Variants in N4BP2 observed in about 807,000 individuals in gnomAD.
The protein encoded by N4BP2 is NEDD4 binding protein 2.
A neutral mutation model predicts 152.8 loss-of-function variants in N4BP2; 91 were observed. The ratio of observed to expected loss-of-function variants is 0.60; its 90% CI spans 0.50 to 0.71. The LOEUF (loss-of-function observed/expected upper bound fraction) is 0.71, where lower values mean the gene tolerates loss of function less well. Among genes scored for constraint, N4BP2 ranks in the 30% least tolerant of loss-of-function variants. The pLI, the probability that N4BP2 is intolerant of heterozygous loss-of-function variation, is 0.00. For missense variants in N4BP2, 1,923 were observed against 2,059.1 expected, an observed-to-expected ratio of 0.93 and a Z score of 1.28; for synonymous variants, 646 against 705.3, an observed-to-expected ratio of 0.92 and a Z score of 1.33.
In N4BP2 at chr4:40,103,234, G is replaced by C; in HGVS notation, c.1373+16G>C. ...TTTTGGCAAGGTATGAGGTTTGATT[G>C]GGTTTTTAAAAAATAGTATAATGTC... On this transcript the variant is annotated intron_variant, in intron 4 of 17. Transcript: ENST00000261435. The C allele has an allele frequency of 6.4e-7, 1 of 1,569,108 alleles. No homozygotes were observed. Among genetic ancestry groups the C allele is most frequent in the Non-Finnish European group, 8.6e-7 (1 of 1,161,996 alleles).
At chr4:40,109,575 G>A (rs765712060) in intron 5 of N4BP2, among the ~76,000 whole-genome samples, 2 of 151,970 alleles carry the variant, frequency 1.3e-5, no homozygotes, top group Admixed American at 6.6e-5. Context: ...AAAATTAACC[G>A]GGCATGGTGG....
At chr4:40,086,233 G>A (rs1282462131) in intron 2 of N4BP2, among the ~76,000 whole-genome samples, 2 of 151,532 alleles carry the variant, frequency 1.3e-5, no homozygotes, top group Non-Finnish European at 2.9e-5. Context: ...TGGATTACAG[G>A]TGTGAACCAT....
At chr4:40,151,358 A>G (rs2109285504) in intron 16 of N4BP2, among the ~76,000 whole-genome samples, 1 of 151,844 alleles carries the variant, frequency 6.6e-6, no homozygotes, top group East Asian at 1.9e-4. Flanking sequence ...TGCACCCTCC[A>G]CCTCCCAGGT....
intron 4 of N4BP2, 61 bp downstream of exon 4, chr4:40,103,279 G>T: frequency 7.2e-7 from 1 of 1,389,528 alleles, no homozygotes; most frequent in Middle Eastern, 1.9e-4. Flanking sequence ...ACACAAGTAT[G>T]AATAAATAGG....
chr4:40,134,443 T>C (rs565902236), intron 13 of N4BP2, among the ~76,000 whole-genome samples: 1 of 152,272 alleles, frequency 6.6e-6, no homozygotes, highest in Non-Finnish European at 1.5e-5. Flanking sequence ...GTTAGGTGGC[T>C]GATTGCCTCC....
chr4:40,125,755 C>T (rs1410967050), intron 11 of N4BP2, among the ~76,000 whole-genome samples: 9 of 151,980 alleles, frequency 5.9e-5, no homozygotes, highest in East Asian at 1.9e-4. Context: ...GGCATGGTGG[C>T]GGGCGCCTGT....
chr4:40,122,375 G>GT, intron 9 of N4BP2, 66 bp downstream of exon 9: 1 of 1,113,716 alleles, frequency 9.0e-7, no homozygotes, highest in Non-Finnish European at 1.2e-6. Flanking sequence ...GTTCTATTTT[G>GT]TATTTTTTTT....
At chr4:40,058,003 T>C (rs780737754) in intron 1 of N4BP2, among the ~76,000 whole-genome samples, 8 of 152,184 alleles carry the variant, frequency 5.3e-5, no homozygotes, top group Non-Finnish European at 8.8e-5. Flanking sequence ...CTCGACATCT[T>C]TGAGCCAATC....
chr4:40,150,379 A>G (rs950621755), intron 16 of N4BP2, among the ~76,000 whole-genome samples: 1 of 152,206 alleles, frequency 6.6e-6, no homozygotes, highest in Non-Finnish European at 1.5e-5. Flanking sequence ...GTGAAAATCT[A>G]GGATAGGCTG....
In N4BP2 at chr4:40,112,125, G is replaced by C. The variant is rs1439533071; in HGVS notation, c.1540G>C (p.Asp514His). Reference sequence around the variant, plus strand: ...GAAGAAGATATCTCCTATAATTATAGATAATACAAACCTACAGGCATGGGA... The same window carrying C: ...GAAGAAGATATCTCCTATAATTATACATAATACAAACCTACAGGCATGGGA... The part of the protein sequence containing the change: ...FEKKISPIII[D>H]NTNLQAWEMK... The change falls in exon 6 of 18, where the codon GAT becomes CAT. Residue 514 changes from aspartate to histidine, a missense_variant. By Grantham distance (81) the Asp-to-His change is moderately conservative (BLOSUM62 -1). Coordinates refer to ENST00000261435, the MANE Select transcript of N4BP2 (RefSeq NM_018177.6). The C allele has an allele frequency of 6.4e-7, 1 of 1,573,694 alleles. No individual in the cohort carries two copies. Among genetic ancestry groups the C allele is most frequent in the South Asian group, 1.2e-5 (1 of 85,682 alleles).
chr4:40,178,192 A>G, the N4BP2 span, among the ~76,000 whole-genome samples: 1 of 152,126 alleles, frequency 6.6e-6, no homozygotes, highest in African/African-American at 2.4e-5. Context: ...CAACAAAACA[A>G]AACAAAACAG....
At chr4:40,106,417 A>G (rs998023239) in intron 4 of N4BP2, among the ~76,000 whole-genome samples, 3 of 152,134 alleles carry the variant, frequency 2.0e-5, no homozygotes, top group Non-Finnish European at 4.4e-5. Context: ...CCTGGGTTCA[A>G]GTGATCCTCT....
the N4BP2 span, among the ~76,000 whole-genome samples, chr4:40,175,221 G>C: frequency 6.6e-6 from 1 of 151,554 alleles, no homozygotes; most frequent in African/African-American, 2.4e-5. Context: ...CAGGGTCTCG[G>C]TGTGTTACCC....
chr4:40,100,609 C>T (rs773919322), intron 3 of N4BP2, among the ~76,000 whole-genome samples: 1 of 151,982 alleles, frequency 6.6e-6, no homozygotes, highest in Non-Finnish European at 1.5e-5. Flanking sequence ...TGGGCTCAAG[C>T]GATCTACCTG....
chr4:40,143,805 C>G (rs936081147), intron 15 of N4BP2, among the ~76,000 whole-genome samples: 2 of 151,982 alleles, frequency 1.3e-5, no homozygotes, highest in African/African-American at 4.8e-5. Flanking sequence ...AAATAATAAA[C>G]CAGTGATTCC....
intron 3 of N4BP2, among the ~76,000 whole-genome samples, chr4:40,101,194 TCAC>T (rs1245487343): frequency 2.6e-5 from 4 of 152,180 alleles, no homozygotes; most frequent in African/African-American, 9.6e-5. Flanking sequence ...TCTCGCTCTG[TCAC>T]CAAGGCTGGA....
intron 8 of N4BP2, among the ~76,000 whole-genome samples, chr4:40,118,944 TAG>T (rs1233329607): frequency 6.6e-6 from 1 of 152,176 alleles, no homozygotes; most frequent in Admixed American, 6.5e-5. Flanking sequence ...TGGTAAGGGA[TAG>T]AGAGCTTCTG....
rs1721596455 is a variant in N4BP2, at chr4:40,156,353, C to CTA, written c.*2120_*2121dup. 1.3e-5 allele frequency: 2 copies of CTA among 152,022 alleles called. No homozygotes were observed. The highest frequency in any genetic ancestry group is 4.2e-4 in the South Asian group (2 of 4,818). The allele number at this position is 152,022 out of a possible 1,614,324, so 9.4% of individuals were successfully genotyped here. On this transcript the variant is annotated 3_prime_UTR_variant, in exon 18 of 18. Coordinates refer to ENST00000261435, the MANE Select transcript of N4BP2 (RefSeq NM_018177.6). Reference sequence around the variant, plus strand: ...GTGGGCAGAAGTCAAATGAAAAAAGCTATATTGTTTACTTGTTTACTATAT... The same window carrying CTA: ...GTGGGCAGAAGTCAAATGAAAAAAGCTATATATTGTTTACTTGTTTACTATAT...
At chr4:40,177,251 C>A in the N4BP2 span, among the ~76,000 whole-genome samples, 5 of 152,084 alleles carry the variant, frequency 3.3e-5, no homozygotes, top group Non-Finnish European at 4.4e-5. Context: ...TGGGAGATAA[C>A]AGGTGATCTG....
Sources: allele counts gnomAD v4.1 joint callset (sites outside exome capture counted in the v4.1 genomes callset), GRCh38; gene constraint gnomAD v4.1.1; transcripts MANE v1.5; gene names NCBI Gene and HGNC (gene_info 2026-07-23, HGNC 2026-07-21).